Variants in SPOCK3 observed in about 807,000 individuals in gnomAD.
SPOCK3 encodes the protein testican-3.
A neutral mutation model predicts 56.6 loss-of-function variants in SPOCK3; 30 were observed. The ratio of observed to expected loss-of-function variants is 0.53; its 90% CI spans 0.40 to 0.72. The LOEUF (loss-of-function observed/expected upper bound fraction) is 0.72, where lower values mean the gene tolerates loss of function less well. SPOCK3 is among the 30% of genes least tolerant of loss of function. The pLI, the probability that SPOCK3 is intolerant of heterozygous loss-of-function variation, is 0.00. For missense variants in SPOCK3, 527 were observed against 530.0 expected (o/e 0.99, Z 0.06); for synonymous variants, 196 against 183.3 (o/e 1.07, Z -0.56).
At chr4:166,832,243 T>G (rs1463446226) in intron 6 of SPOCK3, among the ~76,000 whole-genome samples, 1 of 152,154 alleles carries the variant, frequency 6.6e-6, no homozygotes, top group Non-Finnish European at 1.5e-5. Context: ...TTAATTGATC[T>G]TGAGTTAATT....
At chr4:166,986,712 T>C (rs1279880958) in intron 4 of SPOCK3, among the ~76,000 whole-genome samples, 1 of 151,998 alleles carries the variant, frequency 6.6e-6, no homozygotes, top group African/African-American at 2.4e-5. Context: ...AAATAATATA[T>C]CTAGGATGAT....
chr4:167,157,572 T>C lies in SPOCK3; in HGVS notation c.189+76413A>G, dbSNP rs1764922606. Among the ~76,000 whole-genome samples, 5 of 151,832 alleles carry C rather than the reference T, an allele frequency of 3.3e-5. No homozygotes were observed. In the South Asian group the frequency reaches 1.0e-3, roughly 32 times the overall value. ...GAAAAATGTCACATATTATATTTCT[T>C]CTGTGAGACATTTACCAAGCATTTT... is the stretch of plus-strand genomic sequence containing the variant. On this transcript the variant is annotated intron_variant, in intron 2 of 10. Transcript: ENST00000357545.
At chr4:166,887,118 A>G (rs550918784) in intron 6 of SPOCK3, among the ~76,000 whole-genome samples, 2 of 152,272 alleles carry the variant, frequency 1.3e-5, no homozygotes, top group South Asian at 2.1e-4. Context: ...TGACAATATG[A>G]AAAATAATTA....
chr4:166,958,699 T>A (rs1374006147), intron 4 of SPOCK3, among the ~76,000 whole-genome samples: 2 of 152,208 alleles, frequency 1.3e-5, no homozygotes, highest in Admixed American at 6.5e-5. Context: ...TTCAGGTGAT[T>A]ATGAAAGTCC....
At chr4:167,012,839 T>C (rs1345218050) in intron 3 of SPOCK3, among the ~76,000 whole-genome samples, 1 of 152,018 alleles carries the variant, frequency 6.6e-6, no homozygotes, top group Non-Finnish European at 1.5e-5. Context: ...ATTGTAACTC[T>C]ATGCTGTAAA....
intron 3 of SPOCK3, among the ~76,000 whole-genome samples, chr4:167,014,010 T>C (rs1410802074): frequency 6.6e-6 from 1 of 152,198 alleles, no homozygotes; most frequent in African/African-American, 2.4e-5. Flanking sequence ...GTTAGGTGCC[T>C]AGAGTATTTA....
chr4:167,057,664 C>A (rs944449607), intron 3 of SPOCK3, among the ~76,000 whole-genome samples: 1 of 151,854 alleles, frequency 6.6e-6, no homozygotes, highest in African/African-American at 2.4e-5. Flanking sequence ...AGACTTTAAA[C>A]CAACAAAGAT....
chr4:166,992,444 T>C (rs943974522), intron 4 of SPOCK3, among the ~76,000 whole-genome samples: 1 of 152,154 alleles, frequency 6.6e-6, no homozygotes, highest in African/African-American at 2.4e-5. Context: ...TAAAGCAATA[T>C]AGAAATAGAC....
chr4:166,827,646 T>C (rs139351177), intron 6 of SPOCK3, among the ~76,000 whole-genome samples: 1 of 152,176 alleles, frequency 6.6e-6, no homozygotes, highest in East Asian at 1.9e-4. Flanking sequence ...TCATTTTAAG[T>C]GAGAAAAATA....
intron 4 of SPOCK3, among the ~76,000 whole-genome samples, chr4:166,953,769 G>T (rs569050016): frequency 6.6e-6 from 1 of 152,144 alleles, no homozygotes; most frequent in Non-Finnish European, 1.5e-5. Flanking sequence ...AAAATGATGA[G>T]TTCATGTCCT....
intron 4 of SPOCK3, among the ~76,000 whole-genome samples, chr4:166,942,905 T>C (rs140343017): frequency 9.8e-5 from 15 of 152,330 alleles, no homozygotes; most frequent in African/African-American, 3.4e-4. Context: ...AGAATCATCA[T>C]TATGTAAAAC....
chr4:166,914,513 G>C (rs1406979864), intron 4 of SPOCK3, among the ~76,000 whole-genome samples: 1 of 152,188 alleles, frequency 6.6e-6, no homozygotes, highest in Non-Finnish European at 1.5e-5. Flanking sequence ...GCTCACGCCT[G>C]TAATCCCAGT....
At chr4:167,193,785 G>A (rs1362305638) in intron 2 of SPOCK3, among the ~76,000 whole-genome samples, 3 of 145,602 alleles carry the variant, frequency 2.1e-5, no homozygotes, top group Non-Finnish European at 4.5e-5. Context: ...CTTCCCTCAT[G>A]CTGCTTTTAA....
chr4:167,025,220 G>T (rs1033734516), intron 3 of SPOCK3, among the ~76,000 whole-genome samples: 2 of 135,646 alleles, frequency 1.5e-5, no homozygotes, highest in Admixed American at 7.3e-5. Flanking sequence ...GCCACTGAAT[G>T]CTTTTTTTTT....
At chr4:166,861,243 A>G (rs1343485733) in intron 6 of SPOCK3, among the ~76,000 whole-genome samples, 1 of 152,086 alleles carries the variant, frequency 6.6e-6, no homozygotes, top group African/African-American at 2.4e-5. Flanking sequence ...CCTGGATAAG[A>G]GCCTGTCCTG....
intron 6 of SPOCK3, among the ~76,000 whole-genome samples, chr4:166,857,425 G>A (rs1342044151): frequency 1.3e-5 from 2 of 152,164 alleles, no homozygotes; most frequent in African/African-American, 2.4e-5. Context: ...AAATCTGCAT[G>A]AGCCAGCTGG....
At chr4:166,961,132 TG>T (rs1362214564) in intron 4 of SPOCK3, among the ~76,000 whole-genome samples, 1 of 152,016 alleles carries the variant, frequency 6.6e-6, no homozygotes, top group Non-Finnish European at 1.5e-5. Context: ...TTTAAAAAAC[TG>T]TCAACCTTGG....
chr4:167,098,681 A>G (rs1367988496), intron 2 of SPOCK3, among the ~76,000 whole-genome samples: 1 of 151,708 alleles, frequency 6.6e-6, no homozygotes, highest in African/African-American at 2.4e-5. Flanking sequence ...TCTGTTTCAC[A>G]TCTCTGATTC....
chr4:167,205,760 G>A (rs558453046), intron 2 of SPOCK3, among the ~76,000 whole-genome samples: 9 of 147,804 alleles, frequency 6.1e-5, no homozygotes, highest in African/African-American at 1.3e-4. Context: ...TTACAGGCGC[G>A]CCACCATGCC....
Sources: gnomAD v4.1 joint callset for allele counts (sites outside exome capture counted in the v4.1 genomes callset) on GRCh38, gnomAD v4.1.1 for gene constraint, MANE v1.5 for transcripts, NCBI Gene and HGNC (gene_info 2026-07-23, HGNC 2026-07-21) for gene names.